The following ETV6 variants were observed in gnomAD, a reference collection of about 807,000 sequenced individuals.
The protein encoded by ETV6 is transcription factor ETV6.
ETV6 carries 16 observed loss-of-function variants against 51.1 expected under a neutral mutation model. That is an observed-to-expected ratio of 0.31 (90% confidence interval 0.21 to 0.48). The LOEUF (loss-of-function observed/expected upper bound fraction) is 0.48, where lower values mean the gene tolerates loss of function less well. Among genes scored for constraint, ETV6 ranks in the 20% least tolerant of loss-of-function variants. The pLI, the probability that ETV6 is intolerant of heterozygous loss-of-function variation, is 0.99. For missense variants in ETV6, 458 were observed against 594.8 expected (o/e 0.77, Z 2.39); for synonymous variants, 240 against 224.1 (o/e 1.07, Z -0.64).
Position 11,821,255 on chromosome 12 carries a change from T to A in ETV6, c.164-17885T>A, listed in dbSNP as rs575332576. ...GTGGTGGGCACCTGTAGTCCCAGCT[T>A]CTCGGGAGGCTGAGGTGGGAAAATG... On this transcript the variant is annotated intron_variant, in intron 2 of 7. Coordinates refer to ENST00000396373, the MANE Select transcript of ETV6 (RefSeq NM_001987.5). Among the ~76,000 whole-genome samples, 5 of 151,720 alleles carry A rather than the reference T, an allele frequency of 3.3e-5. No homozygotes were observed. In the South Asian group the frequency reaches 8.4e-4, roughly 25 times the overall value.
intron 1 of ETV6, among the ~76,000 whole-genome samples, chr12:11,699,473 G>C (rs1422783643): frequency 1.3e-5 from 2 of 152,114 alleles, no homozygotes; most frequent in Non-Finnish European, 2.9e-5. Flanking sequence ...ATCTTGATGA[G>C]GGATGTACAA....
intron 7 of ETV6, among the ~76,000 whole-genome samples, chr12:11,888,175 C>T (rs1947227806): frequency 6.6e-6 from 1 of 152,170 alleles, no homozygotes; most frequent in Admixed American, 6.5e-5. Flanking sequence ...TACAAACTGC[C>T]AGCTGCCCTA....
chr12:11,713,950 TTAC>T (rs1865221218), intron 1 of ETV6, among the ~76,000 whole-genome samples: 1 of 152,202 alleles, frequency 6.6e-6, no homozygotes, highest in South Asian at 2.1e-4. Flanking sequence ...GTCTAGAACC[TTAC>T]TTCCCAGAGG....
intron 2 of ETV6, among the ~76,000 whole-genome samples, chr12:11,800,586 A>G (rs1301944778): frequency 2.0e-5 from 3 of 152,044 alleles, no homozygotes; most frequent in Admixed American, 2.0e-4. Flanking sequence ...ACTCTGCTTG[A>G]GTTCAACTTT....
chr12:11,787,797 T>C (rs191562224), intron 2 of ETV6, among the ~76,000 whole-genome samples: 1 of 152,272 alleles, frequency 6.6e-6, no homozygotes, highest in East Asian at 1.9e-4. Context: ...TTGTGTAGAA[T>C]ATTAGCAGTT....
chr12:11,844,316 A>G lies in ETV6; in HGVS notation c.328+5012A>G, dbSNP rs16907393. 4.0e-3 allele frequency among the ~76,000 whole-genome samples: 604 copies of G among 152,336 alleles called. 4 individuals carry two copies. The highest frequency in any genetic ancestry group is 0.014 in the African/African-American group (576 of 41,576). On this transcript the variant is annotated intron_variant, in intron 3 of 7. Transcript: ENST00000396373. Reference sequence around the variant, plus strand: ...GAAACATATGTTCAGAGTTCCTTCAATTCAGCAAAACTGTATTGGGGATTT... The same window carrying G: ...GAAACATATGTTCAGAGTTCCTTCAGTTCAGCAAAACTGTATTGGGGATTT...
chr12:11,816,091 C>T (rs970875105), intron 2 of ETV6, among the ~76,000 whole-genome samples: 9 of 152,136 alleles, frequency 5.9e-5, no homozygotes, highest in African/African-American at 2.2e-4. Context: ...GTGGCACATG[C>T]GAAGGCCAGA....
chr12:11,660,616 A>AAT (rs1555110994), intron 1 of ETV6, among the ~76,000 whole-genome samples: 1 of 149,942 alleles, frequency 6.7e-6, no homozygotes, highest in African/African-American at 2.5e-5. Context: ...AAAAAAAAAA[A>AAT]GGGAGATGGG....
intron 2 of ETV6, among the ~76,000 whole-genome samples, chr12:11,766,098 T>G (rs1049597577): frequency 5.9e-5 from 9 of 152,056 alleles, no homozygotes; most frequent in Non-Finnish European, 8.8e-5. Flanking sequence ...TCGGTTTCGG[T>G]GGGGTCCCCA....
At chr12:11,679,830 AC>A (rs1864493216) in intron 1 of ETV6, among the ~76,000 whole-genome samples, 2 of 152,104 alleles carry the variant, frequency 1.3e-5, no homozygotes, top group Admixed American at 6.6e-5. Flanking sequence ...TAGGAGAGTT[AC>A]CCCATTTCTG....
At chr12:11,749,887 G>T (rs1052150069) in intron 1 of ETV6, among the ~76,000 whole-genome samples, 1 of 152,178 alleles carries the variant, frequency 6.6e-6, no homozygotes, top group East Asian at 1.9e-4. Context: ...GCATTTGTCC[G>T]TCTTGGTCAA....
intron 1 of ETV6, among the ~76,000 whole-genome samples, chr12:11,744,673 T>C (rs1305657258): frequency 6.6e-6 from 1 of 152,210 alleles, no homozygotes; most frequent in African/African-American, 2.4e-5. Flanking sequence ...GGCAATCCTC[T>C]ATATCATGGC....
At chr12:11,855,636 A>G (rs537495940) in intron 4 of ETV6, among the ~76,000 whole-genome samples, 1 of 152,332 alleles carries the variant, frequency 6.6e-6, no homozygotes, top group East Asian at 1.9e-4. Flanking sequence ...ACACTTCACA[A>G]AAGAGAGCCT....
At chr12:11,672,238 CA>C (rs1222572414) in intron 1 of ETV6, among the ~76,000 whole-genome samples, 1 of 152,050 alleles carries the variant, frequency 6.6e-6, no homozygotes, top group Admixed American at 6.6e-5. Context: ...ACTCCCAACC[CA>C]AATCGAATCG....
At chr12:11,651,716 C>T (rs11054406) in intron 1 of ETV6, among the ~76,000 whole-genome samples, 1 of 152,212 alleles carries the variant, frequency 6.6e-6, no homozygotes, top group East Asian at 1.9e-4. Context: ...ATTTATTTGA[C>T]GCTTCATAAC....
At chr12:11,793,075 T>TA (rs1945626772) in intron 2 of ETV6, among the ~76,000 whole-genome samples, 2 of 151,554 alleles carry the variant, frequency 1.3e-5, no homozygotes, top group Non-Finnish European at 2.9e-5. Context: ...GTTCTTTAAT[T>TA]TAAAAAAAAA....
rs375684942 is a variant in ETV6, at chr12:11,848,783, G to A, written c.329-4644G>A. ...ATGGTACATCAGCCTCTGCACATGC[G>A]TGTGTTTACATGAACTGTGTATGTA... On this transcript the variant is annotated intron_variant, in intron 3 of 7. Transcript: ENST00000396373. Among the ~76,000 whole-genome samples, 32 of 152,338 alleles carry A rather than the reference G, an allele frequency of 2.1e-4. 1 individual carries two copies. Among genetic ancestry groups the A allele is most frequent in the African/African-American group, 5.5e-4 (23 of 41,584 alleles).
chr12:11,751,252 T>C, intron 1 of ETV6: 1 of 486,774 alleles, frequency 2.1e-6, no homozygotes, highest in South Asian at 1.5e-5. Context: ...TTTGCACATT[T>C]GATGAGATGT....
intron 3 of ETV6, among the ~76,000 whole-genome samples, chr12:11,844,558 T>C (rs969708085): frequency 5.3e-5 from 8 of 152,216 alleles, no homozygotes; most frequent in African/African-American, 1.7e-4. Context: ...AAAATTGGCC[T>C]ATTAATTTCT....
Sources: allele counts gnomAD v4.1 joint callset (sites outside exome capture counted in the v4.1 genomes callset), GRCh38; gene constraint gnomAD v4.1.1; transcripts MANE v1.5; gene names NCBI Gene and HGNC (gene_info 2026-07-23, HGNC 2026-07-21).